IL1RAPL2: variants seen among roughly 807,000 people sequenced by gnomAD.
The protein encoded by IL1RAPL2 is interleukin 1 receptor accessory protein like 2.
Under a neutral mutation model 44.1 loss-of-function variants are expected in IL1RAPL2, and 3 were observed. The ratio of observed to expected loss-of-function variants is 0.07; its 90% CI spans 0.03 to 0.18. The LOEUF is 0.18. Ranked by LOEUF, IL1RAPL2 falls within the 10% of genes least tolerant of loss-of-function variation. The probability of loss-of-function intolerance (pLI) is 1.00; values close to 1 mark genes in which losing one functional copy is unlikely to be tolerated. For synonymous variants in IL1RAPL2, 181 were observed against 178.8 expected (o/e 1.01, Z -0.10); for missense variants, 391 against 496.4 (o/e 0.79, Z 2.02).
At chrX:105,288,608 C>G (rs1035026561) in intron 5 of IL1RAPL2, among the ~76,000 whole-genome samples, 6 of 111,126 alleles carry the variant, frequency 5.4e-5, no homozygotes, top group African/African-American at 2.0e-4. Flanking sequence ...TTTAAATCAA[C>G]TTTATTGAGG....
At chrX:104,708,242 C>G (rs984362963) in intron 2 of IL1RAPL2, among the ~76,000 whole-genome samples, 1 of 111,802 alleles carries the variant, frequency 8.9e-6, no homozygotes, top group Non-Finnish European at 1.9e-5. Context: ...TATCATCACA[C>G]AGTTGTTCTT....
intron 6 of IL1RAPL2, among the ~76,000 whole-genome samples, chrX:105,554,096 G>A (rs2036879401): frequency 1.8e-5 from 2 of 112,281 alleles, no homozygotes; most frequent in African/African-American, 6.5e-5. Flanking sequence ...ACACTCCAGG[G>A]CCTATTCATA....
At chrX:105,639,654 A>G (rs2037550261) in intron 6 of IL1RAPL2, among the ~76,000 whole-genome samples, 1 of 111,777 alleles carries the variant, frequency 8.9e-6, no homozygotes, top group South Asian at 3.7e-4. Flanking sequence ...ATTTACCTTT[A>G]CAGAAATAAT....
At chrX:105,420,741 A>G (rs1256018047) in intron 5 of IL1RAPL2, among the ~76,000 whole-genome samples, 1 of 111,875 alleles carries the variant, frequency 8.9e-6, no homozygotes, top group African/African-American at 3.2e-5. Context: ...TGCCACTTAA[A>G]TGACAGCAAC....
At chrX:105,022,726 C>T (rs1309594463) in intron 2 of IL1RAPL2, among the ~76,000 whole-genome samples, 5 of 110,924 alleles carry the variant, frequency 4.5e-5, no homozygotes, top group Non-Finnish European at 3.8e-5. Context: ...CCTTTGGGGC[C>T]TCTGGAAGAC....
At chrX:104,635,504 TC>T (rs1229669694) in intron 1 of IL1RAPL2, among the ~76,000 whole-genome samples, 1 of 112,127 alleles carries the variant, frequency 8.9e-6, no homozygotes, top group East Asian at 2.8e-4. Flanking sequence ...TTTAATCTTT[TC>T]ACATAGTCCC....
At chrX:105,516,908 G>A (rs1220210925) in intron 6 of IL1RAPL2, among the ~76,000 whole-genome samples, 2 of 111,735 alleles carry the variant, frequency 1.8e-5, no homozygotes, top group African/African-American at 6.5e-5. Flanking sequence ...GATTTTAGAG[G>A]AGGAGCAGCT....
At chrX:105,547,565 T>C (rs192240565) in intron 6 of IL1RAPL2, among the ~76,000 whole-genome samples, 204 of 112,262 alleles carry the variant, frequency 1.8e-3, no homozygotes, top group Non-Finnish European at 3.5e-3. Context: ...TGGATTCACC[T>C]GGGCTCACTC....
At chrX:105,182,064 CAAAAAAA>C (rs782283394) in intron 2 of IL1RAPL2, among the ~76,000 whole-genome samples, 3 of 58,781 alleles carry the variant, frequency 5.1e-5, no homozygotes, top group African/African-American at 1.6e-4. Flanking sequence ...GAGACTCTGT[CAAAAAAA>C]AAAAAAAGAA....
At chrX:105,563,289 A>G (rs1402209621) in intron 6 of IL1RAPL2, among the ~76,000 whole-genome samples, 2 of 111,859 alleles carry the variant, frequency 1.8e-5, no homozygotes, top group Non-Finnish European at 3.8e-5. Context: ...CTAGTAAGGG[A>G]AAGAGCTAGA....
intron 5 of IL1RAPL2, among the ~76,000 whole-genome samples, chrX:105,391,033 T>A (rs914498560): frequency 1.8e-5 from 2 of 111,804 alleles, no homozygotes; most frequent in African/African-American, 6.5e-5. Flanking sequence ...ATTCTTGGAA[T>A]TGTGGGGAGA....
At chrX:105,624,692 C>T (rs190464016) in intron 6 of IL1RAPL2, among the ~76,000 whole-genome samples, 63 of 111,331 alleles carry the variant, frequency 5.7e-4, no homozygotes, top group African/African-American at 1.9e-3. Context: ...CTTTTTTCTG[C>T]CAGTAACGAT....
chrX:105,488,508 C>CTT lies in IL1RAPL2; in HGVS notation c.772+4121_772+4122insTT, dbSNP rs1159628599. Among the ~76,000 whole-genome samples, 7 of 112,271 alleles carry CTT rather than the reference C, an allele frequency of 6.2e-5. No homozygotes were observed. The East Asian group carries it at 2.0e-3, about 31-fold the overall frequency. On this transcript the variant is annotated intron_variant, in intron 6 of 10. Transcript: ENST00000372582. ...CTGAACTCTTCTCAAATTTATGACC[C>CTT]CAAAATTCATGAGCAAAGTAAAGTG...
chrX:104,968,068 GTAGA>G (rs1195209471), intron 2 of IL1RAPL2, among the ~76,000 whole-genome samples: 1 of 110,968 alleles, frequency 9.0e-6, no homozygotes, highest in African/African-American at 3.3e-5. Context: ...TATTCCAAAA[GTAGA>G]TAAAGACAAT....
intron 2 of IL1RAPL2, among the ~76,000 whole-genome samples, chrX:104,714,311 G>A (rs998567284): frequency 9.0e-6 from 1 of 111,160 alleles, no homozygotes; most frequent in Non-Finnish European, 1.9e-5. Context: ...GTTTGGCTCT[G>A]TGTCCCCACA....
chrX:105,366,815 C>T (rs1035286301), intron 5 of IL1RAPL2, among the ~76,000 whole-genome samples: 78 of 111,640 alleles, frequency 7.0e-4, no homozygotes, highest in African/African-American at 2.4e-3. Flanking sequence ...TATTTTGTTC[C>T]TGTTGGGTGA....
intron 1 of IL1RAPL2, among the ~76,000 whole-genome samples, chrX:104,609,357 G>A (rs1296744026): frequency 3.6e-5 from 4 of 111,340 alleles, no homozygotes; most frequent in Non-Finnish European, 5.7e-5. Flanking sequence ...TGAGGAGAAC[G>A]TTTGTGGTGT....
chrX:105,322,897 T>C (rs2034906983), intron 5 of IL1RAPL2, among the ~76,000 whole-genome samples: 1 of 111,937 alleles, frequency 8.9e-6, no homozygotes, highest in Non-Finnish European at 1.9e-5. Flanking sequence ...TCAAGATTAT[T>C]GGAGGCCATC....
chrX:105,611,088 G>A (rs769925828), intron 6 of IL1RAPL2, among the ~76,000 whole-genome samples: 1 of 110,997 alleles, frequency 9.0e-6, no homozygotes, highest in African/African-American at 3.3e-5. Flanking sequence ...TTGTGTCTTC[G>A]TTTTTAACAA....
Sources: gnomAD v4.1 joint callset for allele counts (sites outside exome capture counted in the v4.1 genomes callset) on GRCh38, gnomAD v4.1.1 for gene constraint, MANE v1.5 for transcripts, NCBI Gene and HGNC (gene_info 2026-07-23, HGNC 2026-07-21) for gene names.